RTN4: variants seen among roughly 807,000 people sequenced by gnomAD.
RTN4 encodes the protein reticulon 4, also known as reticulon-4.
In RTN4, 32 loss-of-function variants were observed where a neutral mutation model predicts 90.4. That is an observed-to-expected ratio of 0.35 (90% CI 0.27 to 0.48). The LOEUF (loss-of-function observed/expected upper bound fraction) is 0.48, where lower values mean the gene tolerates loss of function less well. Among genes scored for constraint, RTN4 ranks in the 20% least tolerant of loss-of-function variants. The pLI is 0.99. For synonymous variants in RTN4, 629 were observed against 552.5 expected (o/e 1.14, Z -1.94); for missense variants, 1,706 against 1,430.2 (o/e 1.19, Z -3.11).
intron 3 of RTN4, among the ~76,000 whole-genome samples, chr2:54,997,623 GGATT>G (rs1442393007): frequency 1.3e-5 from 2 of 152,042 alleles, no homozygotes; most frequent in Non-Finnish European, 2.9e-5. Context: ...AGTGATGAAT[GGATT>G]GTTTTAAAAA....
At chr2:55,046,328 G>C (rs1667723999) in intron 1 of RTN4, among the ~76,000 whole-genome samples, 1 of 151,826 alleles carries the variant, frequency 6.6e-6, no homozygotes, top group Non-Finnish European at 1.5e-5. Flanking sequence ...TTGCCTGTTA[G>C]AGACCCCCAA....
intron 3 of RTN4, 25 bp from the exon 4 acceptor site, chr2:54,987,723 A>C (rs1678680679): frequency 1.3e-6 from 2 of 1,548,602 alleles, no homozygotes; most frequent in Non-Finnish European, 8.8e-7. Context: ...AGAAATCTGA[A>C]ATTAGAATGT....
intron 1 of RTN4, among the ~76,000 whole-genome samples, chr2:55,105,205 C>T (rs1158950735): frequency 1.6e-5 from 2 of 124,368 alleles, no homozygotes; most frequent in African/African-American, 6.4e-5. Context: ...TCATTGCCTT[C>T]CCCCCTTTTT....
intron 1 of RTN4, among the ~76,000 whole-genome samples, chr2:55,084,711 C>G (rs138703529): frequency 5.3e-4 from 80 of 152,270 alleles, no homozygotes; most frequent in African/African-American, 1.7e-3. Context: ...GTAGGATACC[C>G]AGTCAATGTC....
At chr2:55,089,768 C>T (rs530384993) in intron 1 of RTN4, among the ~76,000 whole-genome samples, 4 of 152,370 alleles carry the variant, frequency 2.6e-5, no homozygotes, top group African/African-American at 9.6e-5. Context: ...CACCACTCTT[C>T]AGCACAGCAC....
chr2:55,117,310 G>A (rs992694971), upstream of RTN4, among the ~76,000 whole-genome samples: 11 of 152,230 alleles, frequency 7.2e-5, no homozygotes, highest in Middle Eastern at 3.4e-3. Context: ...ATTGGGTTTC[G>A]AGGCTCCTGA....
chr2:55,097,814 G>T (rs747125350), intron 1 of RTN4, among the ~76,000 whole-genome samples: 1 of 152,066 alleles, frequency 6.6e-6, no homozygotes, highest in African/African-American at 2.4e-5. Context: ...AGAGGTCAGG[G>T]CTGGAGATAA....
At chr2:54,999,085 C>G (rs778669221) in intron 3 of RTN4, among the ~76,000 whole-genome samples, 2 of 152,138 alleles carry the variant, frequency 1.3e-5, no homozygotes, top group Non-Finnish European at 2.9e-5. Context: ...TAATGTTCAT[C>G]AATTTTAACA....
At chr2:55,038,067 C>G (rs2920892) in intron 1 of RTN4, among the ~76,000 whole-genome samples, 127,939 of 152,102 alleles carry the variant, frequency 0.84, 54,101 homozygotes, top group Middle Eastern at 0.93. Flanking sequence ...GGGAAAACTG[C>G]TTATTATATG....
At chr2:55,022,896 A>ACACACACACACACACACACAC (rs1681543432) in intron 3 of RTN4, among the ~76,000 whole-genome samples, 1 of 137,390 alleles carries the variant, frequency 7.3e-6, no homozygotes. Context: ...TTCAACATCC[A>ACACACACACACACACACACAC]ACACACACAC....
intron 1 of RTN4, among the ~76,000 whole-genome samples, chr2:55,109,748 T>C (rs1668001847): frequency 6.6e-6 from 1 of 152,218 alleles, no homozygotes; most frequent in African/African-American, 2.4e-5. Context: ...AGAGCATATG[T>C]TGACCCGAGT....
At chr2:55,117,164 G>A (rs544733088), upstream of RTN4, among the ~76,000 whole-genome samples, 5 of 152,088 alleles carry the variant, frequency 3.3e-5, no homozygotes, top group African/African-American at 9.7e-5. Flanking sequence ...GTGAGCCACC[G>A]CACCCGGCCA....
upstream of RTN4, among the ~76,000 whole-genome samples, chr2:55,054,327 T>C (rs1668152693): frequency 6.6e-6 from 1 of 152,210 alleles, no homozygotes; most frequent in Non-Finnish European, 1.5e-5. Context: ...TTTCACTTTA[T>C]ACTTTTTAAT....
At chr2:55,128,033 T>A in the RTN4 span, among the ~76,000 whole-genome samples, 1 of 151,984 alleles carries the variant, frequency 6.6e-6, no homozygotes, top group Non-Finnish European at 1.5e-5. Flanking sequence ...CATGCCTGGC[T>A]AATTTTTTTA....
intron 1 of RTN4, among the ~76,000 whole-genome samples, chr2:55,101,506 C>CA (rs1292241532): frequency 2.0e-5 from 3 of 151,902 alleles, no homozygotes; most frequent in African/African-American, 7.3e-5. Context: ...TCTCAGAATC[C>CA]AAAATGATTT....
chr2:54,987,560 G>A lies in RTN4; in HGVS notation c.3152C>T (p.Thr1051Ile). The A allele has an allele frequency of 6.2e-7, 1 of 1,614,152 alleles. No individual in the cohort carries two copies. Among genetic ancestry groups the A allele is most frequent in the East Asian group, 2.2e-5 (1 of 44,882 alleles). Residue 1051 changes from threonine to isoleucine, a missense_variant, in exon 4 of 9, where the codon ACC (threonine) becomes ATC (isoleucine). Thr to Ile is a moderately conservative substitution (Grantham distance 89). Transcript: ENST00000337526. Reference protein sequence around the residue: ...AYIALALLSVTISFRIYKGVI... With the variant: ...AYIALALLSVIISFRIYKGVI... ...ACCCTTGTATATCCTAAAGCTGATG[G>A]TCACAGAGAGCAGGGCCAAGGCAAT...
chr2:55,035,478 T>C (rs1172233466), intron 1 of RTN4, among the ~76,000 whole-genome samples: 2 of 152,082 alleles, frequency 1.3e-5, no homozygotes, highest in South Asian at 2.1e-4. Flanking sequence ...AAGTAATGCT[T>C]AGAGAGAAAT....
chr2:54,979,927 C>T (rs73936513), intron 5 of RTN4, among the ~76,000 whole-genome samples: 9,987 of 152,184 alleles, frequency 0.066, 621 homozygotes, highest in African/African-American at 0.16. Context: ...CAATCAAGTA[C>T]GTTTTTCTTC....
intron 2 of RTN4, among the ~76,000 whole-genome samples, chr2:55,074,530 A>G (rs1668568197): frequency 6.6e-6 from 1 of 151,744 alleles, no homozygotes; most frequent in Non-Finnish European, 1.5e-5. Flanking sequence ...AAAAAAAAAA[A>G]AAAAAAGAAA....
Sources: gnomAD v4.1 joint callset for allele counts (sites outside exome capture counted in the v4.1 genomes callset) on GRCh38, gnomAD v4.1.1 for gene constraint, MANE v1.5 for transcripts, NCBI Gene and HGNC (gene_info 2026-07-23, HGNC 2026-07-21) for gene names.